BRINP3: variants seen among roughly 807,000 people sequenced by gnomAD.
BRINP3 encodes BMP/retinoic acid-inducible neural-specific protein 3.
Under a neutral mutation model 71.0 loss-of-function variants are expected in BRINP3, and 19 were observed. That is an observed-to-expected ratio of 0.27 (90% CI 0.19 to 0.39). BRINP3 has a LOEUF of 0.39. Ranked by LOEUF, BRINP3 falls within the 10% of genes least tolerant of loss-of-function variation. The probability of loss-of-function intolerance (pLI) is 1.00; values close to 1 mark genes in which losing one functional copy is unlikely to be tolerated. For synonymous variants in BRINP3, 380 were observed against 337.7 expected (o/e 1.13, Z -1.37); for missense variants, 959 against 940.8 (o/e 1.02, Z -0.25).
intron 6 of BRINP3, among the ~76,000 whole-genome samples, chr1:190,171,302 T>C (rs996286982): frequency 6.6e-6 from 1 of 152,166 alleles, no homozygotes; most frequent in Non-Finnish European, 1.5e-5. Flanking sequence ...AGTATGTTGA[T>C]CAACATCTAA....
intron 1 of BRINP3, among the ~76,000 whole-genome samples, chr1:190,472,529 T>C (rs909058422): frequency 2.0e-4 from 31 of 151,754 alleles, no homozygotes; most frequent in African/African-American, 7.0e-4. Context: ...GCGTCTGAAC[T>C]CTTTTAATAT....
intron 7 of BRINP3, among the ~76,000 whole-genome samples, chr1:190,152,491 A>AATATATATATAT (rs141753835): frequency 1.4e-5 from 2 of 141,734 alleles, no homozygotes; most frequent in Non-Finnish European, 3.1e-5. Context: ...TACATGCACA[A>AATATATATATAT]ATATATATAT....
At position 190,385,275 on chromosome 1, in the gene BRINP3, C is replaced by T. The variant is rs534856552; in HGVS notation, c.236+69380G>A. ...AGCTTCTGCACAGCAAAAGAAACTA[C>T]CATCAGAGTGAACAGACAGCCTACA... is the stretch of plus-strand genomic sequence containing the variant. On this transcript the variant is annotated intron_variant, in intron 2 of 7. Coordinates refer to ENST00000367462, the MANE Select transcript of BRINP3 (RefSeq NM_199051.3). 1.6e-4 allele frequency among the ~76,000 whole-genome samples: 24 copies of T among 152,124 alleles called. No homozygotes were observed. The South Asian group carries it at 5.0e-3, about 32-fold the overall frequency.
chr1:190,195,588 T>C (rs1322665097), intron 6 of BRINP3, among the ~76,000 whole-genome samples: 1 of 152,078 alleles, frequency 6.6e-6, no homozygotes, highest in Non-Finnish European at 1.5e-5. Flanking sequence ...CTATGTATTA[T>C]ACGTATGAAG....
At chr1:190,463,621 A>G (rs1428638581) in intron 1 of BRINP3, among the ~76,000 whole-genome samples, 3 of 151,832 alleles carry the variant, frequency 2.0e-5, no homozygotes, top group Non-Finnish European at 3.0e-5. Context: ...ACAGATTTTC[A>G]TTTTTGGATG....
At chr1:190,130,967 C>G (rs1020322193) in intron 7 of BRINP3, among the ~76,000 whole-genome samples, 2 of 151,878 alleles carry the variant, frequency 1.3e-5, no homozygotes, top group African/African-American at 4.8e-5. Flanking sequence ...CCAGTATAAT[C>G]CTGCTCCCTA....
intron 2 of BRINP3, among the ~76,000 whole-genome samples, chr1:190,346,445 T>C (rs575059616): frequency 1.3e-5 from 2 of 152,104 alleles, no homozygotes; most frequent in Non-Finnish European, 2.9e-5. Context: ...TTTTTATCTT[T>C]GGTATTTCTG....
At chr1:190,234,523 A>G (rs1294621688) in intron 4 of BRINP3, 46 bp from the exon 5 acceptor site, 2 of 1,441,062 alleles carry the variant, frequency 1.4e-6, no homozygotes, top group Admixed American at 1.7e-5. Context: ...AGACTTTACA[A>G]TGTCCTTTTG....
chr1:190,462,063 C>T (rs1676435028), intron 1 of BRINP3, among the ~76,000 whole-genome samples: 1 of 152,008 alleles, frequency 6.6e-6, no homozygotes, highest in South Asian at 2.1e-4. Context: ...TAGGCATGCA[C>T]CATCATTCCC....
intron 5 of BRINP3, among the ~76,000 whole-genome samples, chr1:190,231,662 T>G (rs984208860): frequency 6.6e-6 from 1 of 151,920 alleles, no homozygotes; most frequent in Non-Finnish European, 1.5e-5. Context: ...TAACTACTTT[T>G]TATTATCTAC....
chr1:190,299,403 G>GT (rs919495528), intron 2 of BRINP3, among the ~76,000 whole-genome samples: 5 of 149,152 alleles, frequency 3.4e-5, no homozygotes, highest in South Asian at 2.1e-4. Context: ...TACTTGAATA[G>GT]TTTTTTTTCC....
At chr1:190,313,406 C>G (rs1160452589) in intron 2 of BRINP3, among the ~76,000 whole-genome samples, 1 of 151,862 alleles carries the variant, frequency 6.6e-6, no homozygotes, top group African/African-American at 2.4e-5. Context: ...GTGGGGCAGG[C>G]AGTATCCTGC....
At chr1:190,131,725 A>G (rs764116095) in intron 7 of BRINP3, among the ~76,000 whole-genome samples, 3 of 152,036 alleles carry the variant, frequency 2.0e-5, no homozygotes, top group Non-Finnish European at 4.4e-5. Flanking sequence ...GTTAATTCAC[A>G]TTGTGGACTT....
At chr1:190,414,074 C>T (rs1238400354) in intron 2 of BRINP3, among the ~76,000 whole-genome samples, 2 of 151,944 alleles carry the variant, frequency 1.3e-5, no homozygotes. Flanking sequence ...GCATGAGCCA[C>T]CCTACCTGGC....
At chr1:190,403,806 C>T (rs753934224) in intron 2 of BRINP3, among the ~76,000 whole-genome samples, 1 of 152,212 alleles carries the variant, frequency 6.6e-6, no homozygotes. Flanking sequence ...TAACCCTTCT[C>T]ATCACTACAC....
chr1:190,297,794 G>A (rs753955171), intron 2 of BRINP3, among the ~76,000 whole-genome samples: 4 of 151,210 alleles, frequency 2.6e-5, no homozygotes, highest in Non-Finnish European at 4.4e-5. Context: ...GTGTGTGTGT[G>A]TGTGTGTGTG....
intron 7 of BRINP3, among the ~76,000 whole-genome samples, chr1:190,130,992 G>C (rs1163410044): frequency 1.3e-5 from 2 of 151,634 alleles, no homozygotes; most frequent in African/African-American, 4.8e-5. Context: ...CTATCACCTT[G>C]GGTTCTTTTA....
Position 190,347,307 on chromosome 1 carries a change from A to T in BRINP3, c.237-65557T>A, listed in dbSNP as rs116724426. Among the ~76,000 whole-genome samples, 1,340 of 151,752 alleles carry T rather than the reference A, an allele frequency of 8.8e-3. 14 individuals carry two copies. Among genetic ancestry groups the T allele is most frequent in the African/African-American group, 0.03 (1,227 of 41,408 alleles). On this transcript the variant is annotated intron_variant, in intron 2 of 7. Transcript: ENST00000367462. ...AGGTGCGTGCCACCACGCCCTGCCA[A>T]TTTTTTTGTATTTTAGTAGAGACGG...
chr1:190,206,488 AC>A (rs1324899879), intron 6 of BRINP3, among the ~76,000 whole-genome samples: 6 of 151,916 alleles, frequency 3.9e-5, no homozygotes, highest in African/African-American at 1.2e-4. Flanking sequence ...TAGAAAAAAA[AC>A]GTGTATGTGT....
Sources: gnomAD v4.1 joint callset for allele counts (sites outside exome capture counted in the v4.1 genomes callset) on GRCh38, gnomAD v4.1.1 for gene constraint, MANE v1.5 for transcripts, NCBI Gene and HGNC (gene_info 2026-07-23, HGNC 2026-07-21) for gene names.